Variants in ZMYND11 observed in about 807,000 individuals in gnomAD.
The protein encoded by ZMYND11 is zinc finger MYND domain-containing protein 11.
Under a neutral mutation model 84.9 loss-of-function variants are expected in ZMYND11, and 9 were observed. The observed-to-expected ratio is 0.11, with a 90% CI of 0.06 to 0.18. The LOEUF (loss-of-function observed/expected upper bound fraction) is 0.18. Among genes scored for constraint, ZMYND11 ranks in the 10% least tolerant of loss-of-function variants. The probability of loss-of-function intolerance (pLI) is 1.00; values close to 1 mark genes in which losing one functional copy is unlikely to be tolerated. For synonymous variants in ZMYND11, 250 were observed against 244.1 expected (o/e 1.02, Z -0.23); for missense variants, 409 against 761.0 (o/e 0.54, Z 5.44).
intron 4 of ZMYND11, among the ~76,000 whole-genome samples, chr10:235,097 G>C (rs1380291919): frequency 6.6e-6 from 1 of 151,920 alleles, no homozygotes; most frequent in Non-Finnish European, 1.5e-5. Flanking sequence ...GCCATTGCAC[G>C]TATTTCAAAA....
chr10:246,568 C>T (rs1952204385), intron 10 of ZMYND11, among the ~76,000 whole-genome samples, 198 bp from the exon 11 acceptor site: 1 of 152,102 alleles, frequency 6.6e-6, no homozygotes, highest in African/African-American at 2.4e-5. Flanking sequence ...TTTATTCAAG[C>T]CATGACGAAG....
rs965159579 is a variant in ZMYND11 at position 248,917 on chromosome 10, G to A, written c.1515G>A (p.Met505Ile). The A allele has an allele frequency of 6.2e-7, 1 of 1,612,156 alleles. No homozygotes were observed. Among genetic ancestry groups the A allele is most frequent in the Non-Finnish European group, 8.5e-7 (1 of 1,178,916 alleles). ...TTTCATTCCAGCTGCGTTCTGAAATGGAAGAAGAAAAGAGACAAGCTGTAA... is the reference window on the plus strand; with the variant it reads ...TTTCATTCCAGCTGCGTTCTGAAATAGAAGAAGAAAAGAGACAAGCTGTAA... ...REALEKLRSE[M>I]EEEKRQAVNK... The change falls in exon 14 of 15, where the codon ATG (methionine) becomes ATA (isoleucine). Residue 505 changes from methionine to isoleucine, a missense_variant. Met to Ile is a conservative substitution (Grantham distance 10). Around this residue, in one of 7 missense-constraint regions of ZMYND11, gnomAD observed 141 missense variants for 173.8 expected, o/e 0.81. Transcript: ENST00000381604.
chr10:191,662 T>C (rs2130918614), intron 2 of ZMYND11, among the ~76,000 whole-genome samples: 1 of 152,360 alleles, frequency 6.6e-6, no homozygotes. Flanking sequence ...AAATATTTTG[T>C]TTTATTTCTA....
At chr10:137,918 C>A (rs886907143) in intron 1 of ZMYND11, among the ~76,000 whole-genome samples, 1 of 152,100 alleles carries the variant, frequency 6.6e-6, no homozygotes, top group East Asian at 1.9e-4. Context: ...TGCTTTTCCC[C>A]CATAGAGATT....
intron 14 of ZMYND11, chr10:249,619 T>C (rs1952920533): frequency 1.0e-6 from 1 of 985,334 alleles, no homozygotes; most frequent in Admixed American, 6.1e-5. Context: ...CATCGTGTCC[T>C]GCTCGCCAGT....
At chr10:244,110 A>G (rs532038988) in intron 10 of ZMYND11, among the ~76,000 whole-genome samples, 1 of 150,492 alleles carries the variant, frequency 6.6e-6, no homozygotes, top group East Asian at 1.9e-4. Flanking sequence ...TCCTGGATAC[A>G]ATGTGAACAA....
chr10:191,580 A>G (rs1287249359), intron 2 of ZMYND11, among the ~76,000 whole-genome samples: 1 of 152,224 alleles, frequency 6.6e-6, no homozygotes, highest in Non-Finnish European at 1.5e-5. Flanking sequence ...AAGGAGCCCT[A>G]ACAATGCTGT....
At chr10:226,892 TAAGTC>T (rs1290217134) in intron 4 of ZMYND11, among the ~76,000 whole-genome samples, 1 of 152,100 alleles carries the variant, frequency 6.6e-6, no homozygotes, top group African/African-American at 2.4e-5. Context: ...ACAAAGTAAA[TAAGTC>T]AAGGTAATAC....
chr10:235,718 C>T (rs1053364214), intron 4 of ZMYND11, among the ~76,000 whole-genome samples: 1 of 152,198 alleles, frequency 6.6e-6, no homozygotes, highest in Non-Finnish European at 1.5e-5. Flanking sequence ...CACAAAGCGG[C>T]ATAAGGAGAG....
intron 4 of ZMYND11, among the ~76,000 whole-genome samples, chr10:227,297 T>C (rs777818718): frequency 6.6e-6 from 1 of 152,182 alleles, no homozygotes; most frequent in Non-Finnish European, 1.5e-5. Context: ...CTTCTTAAAA[T>C]ACTCAGAATG....
At chr10:238,972 C>T (rs1041054239) in intron 6 of ZMYND11, among the ~76,000 whole-genome samples, 1 of 152,248 alleles carries the variant, frequency 6.6e-6, no homozygotes, top group Non-Finnish European at 1.5e-5. Flanking sequence ...AATTCCTAGC[C>T]CCAATTCAGA....
intron 2 of ZMYND11, among the ~76,000 whole-genome samples, chr10:180,950 C>G (rs1223321552): frequency 6.6e-6 from 1 of 151,656 alleles, no homozygotes; most frequent in East Asian, 1.9e-4. Context: ...GTTTCTCATG[C>G]TATTTATATG....
chr10:210,177 G>A, intron 3 of ZMYND11, 129 bp downstream of exon 3: 2 of 1,003,896 alleles, frequency 2.0e-6, no homozygotes, highest in East Asian at 5.2e-5. Flanking sequence ...TCAACATTAA[G>A]GCTCTACATT....
chr10:220,169 C>T (rs1047053056), intron 3 of ZMYND11, among the ~76,000 whole-genome samples: 9 of 152,098 alleles, frequency 5.9e-5, no homozygotes, highest in East Asian at 1.9e-4. Flanking sequence ...CCTTGGAAAC[C>T]GTATAGATAA....
chr10:240,243 C>T (rs748804701), intron 8 of ZMYND11, 132 bp downstream of exon 8: 67 of 737,028 alleles, frequency 9.1e-5, no homozygotes, highest in African/African-American at 3.1e-4. Context: ...TGGGGGCTCA[C>T]GCCTGTAATC....
chr10:243,928 A>G (rs1411137774), intron 10 of ZMYND11, among the ~76,000 whole-genome samples: 1 of 152,208 alleles, frequency 6.6e-6, no homozygotes, highest in African/African-American at 2.4e-5. Context: ...TCACCTGAAG[A>G]GAGAATTAGG....
rs535686042 is a variant in ZMYND11 at position 137,739 on chromosome 10, A to T, written c.-20+2180A>T. The stretch of plus-strand genomic sequence containing the variant: ...AGGCATTTAATTTGCCTTGTCTTTG[A>T]CTAACTGGCACAGGTTACATTATAG... On this transcript the variant is annotated intron_variant, in intron 1 of 14. Coordinates refer to ENST00000381604, the MANE Select transcript of ZMYND11 (RefSeq NM_001370100.5). 5.9e-5 allele frequency among the ~76,000 whole-genome samples: 9 copies of T among 152,316 alleles called. No individual in the cohort carries two copies. In the South Asian group the frequency reaches 1.9e-3, roughly 32 times the overall value.
chr10:198,501 A>G (rs1942335874), intron 2 of ZMYND11, among the ~76,000 whole-genome samples: 1 of 152,190 alleles, frequency 6.6e-6, no homozygotes, highest in Non-Finnish European at 1.5e-5. Flanking sequence ...AAATACTGTA[A>G]ATTATTTTTA....
chr10:203,836 AC>A (rs2131157735), intron 2 of ZMYND11, among the ~76,000 whole-genome samples: 1 of 152,336 alleles, frequency 6.6e-6, no homozygotes, highest in Admixed American at 6.5e-5. Context: ...TCTTTTGTGC[AC>A]ATCAGTTATA....
Sources: gnomAD v4.1 joint callset for allele counts (sites outside exome capture counted in the v4.1 genomes callset) on GRCh38, gnomAD v4.1.1 for gene constraint, gnomAD v4.1.1 regional missense constraint, MANE v1.5 for transcripts, NCBI Gene and HGNC (gene_info 2026-07-23, HGNC 2026-07-21) for gene names.